CELSR3: variants seen among roughly 807,000 people sequenced by gnomAD.
The protein encoded by CELSR3 is cadherin EGF LAG seven-pass G-type receptor 3.
CELSR3 carries 73 observed loss-of-function variants against 270.0 expected under a neutral mutation model. That is an observed-to-expected ratio of 0.27 (90% CI 0.22 to 0.33). CELSR3 has a LOEUF of 0.33. Ranked by LOEUF, CELSR3 falls within the 10% of genes least tolerant of loss-of-function variation. The pLI, the probability that CELSR3 is intolerant of heterozygous loss-of-function variation, is 1.00. For missense variants in CELSR3, 3,614 were observed against 4,533.8 expected (o/e 0.80, Z 5.83); for synonymous variants, 1,780 against 1,905.4 (o/e 0.93, Z 1.71).
At position 48,653,697 on chromosome 3, in the gene CELSR3, C is replaced by A. The variant is rs745411775; in HGVS notation, c.5370G>T (p.Gly1790=). The A allele has an allele frequency of 1.9e-6, 3 of 1,614,190 alleles. No individual in the cohort carries two copies. The highest frequency in any genetic ancestry group is 2.5e-6 in the Non-Finnish European group (3 of 1,180,038). The change falls in exon 9 of 35, where the codon GGG becomes GGT. Residue 1790 remains glycine (G), a synonymous_variant. Coordinates refer to ENST00000164024, the MANE Select transcript of CELSR3 (RefSeq NM_001407.3). This position sits in a 1 kb window ranked among gnomAD's most constrained non-coding sequence, Gnocchi z 6.5. ...DMAVSVPWYL[G]LAFRTRATQG... is the part of the protein sequence containing the mutation. Reference sequence around the variant, plus strand: ...GCGTTGCCCGTGTCCGAAATGCCAGCCCCAGGTACCATGGCACAGACACAG... The same window carrying A: ...GCGTTGCCCGTGTCCGAAATGCCAGACCCAGGTACCATGGCACAGACACAG...
In CELSR3 at chr3:48,641,496, G is replaced by A; in HGVS notation, c.8853C>T (p.Tyr2951=). ...CCTCGCACTCCCCCAGGGCTGGCCA[G>A]TAGGACAGGAGGTCATTGCCATCCA... The part of the protein sequence containing the change: ...KDVDGNDLLS[Y]WPALGECEAA... Residue 2951 remains tyrosine (Y), a synonymous_variant, in exon 33 of 35, where the codon TAC becomes TAT. Coordinates refer to ENST00000164024, the MANE Select transcript of CELSR3 (RefSeq NM_001407.3). This position sits in a 1 kb window ranked among gnomAD's most constrained non-coding sequence, Gnocchi z 4.8. 2.5e-6 allele frequency: 4 copies of A among 1,612,332 alleles called. No homozygotes were observed. In the South Asian group the frequency reaches 3.3e-5, roughly 13 times the overall value.
At position 48,653,563 on chromosome 3, in the gene CELSR3, G is replaced by A. The variant is rs140656730; in HGVS notation, c.5448+56C>T. 124 of 1,576,808 alleles carry A rather than the reference G, an allele frequency of 7.9e-5. 1 individual carries two copies. The East Asian group carries it at 2.4e-3, about 31-fold the overall frequency. On this transcript the variant is annotated intron_variant, in intron 9 of 34. Transcript: ENST00000164024. This position sits in a 1 kb window ranked among gnomAD's most constrained non-coding sequence, Gnocchi z 6.5. ...CCAACCTGAACCCACAAGAATGTCA[G>A]TGGCGGCCTAAGAGACTGAGAACTG...
Position 48,653,890 on chromosome 3 carries a change from C to T in CELSR3, c.5266G>A (p.Asp1756Asn), listed in dbSNP as rs758016342. 2 of 1,613,758 alleles carry T rather than the reference C, an allele frequency of 1.2e-6. No homozygotes were observed. Among genetic ancestry groups the T allele is most frequent in the Non-Finnish European group, 8.5e-7 (1 of 1,179,848 alleles). ...CDCPVGFGGK[D>N]CQLTMAHPHH... is the part of the protein sequence containing the mutation. ...GCTGCCCACTTACTAAGCTGACAGT[C>T]TTTGCCGCCGAAGCCCACAGGGCAG... Residue 1756 changes from aspartate (D) to asparagine (N), a missense_variant, in exon 8 of 35, where the codon GAC becomes AAC. Asp to Asn is a conservative substitution (Grantham distance 23). This residue lies in a region of CELSR3 where 1,331 missense variants were observed against 1,933.7 expected (regional missense o/e 0.69). Coordinates refer to ENST00000164024, the MANE Select transcript of CELSR3 (RefSeq NM_001407.3). This position sits in a 1 kb window ranked among gnomAD's most constrained non-coding sequence, Gnocchi z 6.5.
rs1481269587 is a variant in CELSR3 at position 48,646,533 on chromosome 3, T to A, written c.7295+230A>T. 2.0e-5 allele frequency among the ~76,000 whole-genome samples: 3 copies of A among 152,254 alleles called. No individual in the cohort carries two copies. The East Asian group carries it at 5.8e-4, about 29-fold the overall frequency. The stretch of plus-strand genomic sequence containing the variant: ...GTCTCTGTCAGCCCTTTGGTCTGTC[T>A]GTACCTGGCTCATGGATCCCTCCTG... On this transcript the variant is annotated intron_variant, in intron 21 of 34. Transcript: ENST00000164024. The surrounding 1 kb of genome is among the most constrained non-coding windows in gnomAD (Gnocchi z 4.8).
Position 48,646,851 on chromosome 3 carries a change from G to A in CELSR3, c.7207C>T (p.Pro2403Ser). ...AGGAGAATGATAATGGAGATCCCAG[G>A]CTCTGGCTCTGGCGGGGCTGGTGGG... The part of the protein sequence containing the change: ...VPPPAPPEPE[P>S]GISIIILLVY... Residue 2403 changes from proline (P) to serine (S), a missense_variant, in exon 21 of 35, where the codon CCT becomes TCT. Pro to Ser is a moderately conservative substitution (Grantham distance 74, BLOSUM62 -1). Around this residue, in one of 7 missense-constraint regions of CELSR3, gnomAD observed 1,240 missense variants for 1,351.7 expected, o/e 0.92. Coordinates refer to ENST00000164024, the MANE Select transcript of CELSR3 (RefSeq NM_001407.3). This position sits in a 1 kb window ranked among gnomAD's most constrained non-coding sequence, Gnocchi z 4.8. 2 of 1,597,950 alleles carry A rather than the reference G, an allele frequency of 1.3e-6. No individual in the cohort carries two copies. The highest frequency in any genetic ancestry group is 1.7e-6 in the Non-Finnish European group (2 of 1,174,460).
Position 48,641,065 on chromosome 3 carries a change from GA to G in CELSR3, c.9025+258del. On this transcript the variant is annotated intron_variant, in intron 33 of 34. Transcript: ENST00000164024. This position sits in a 1 kb window ranked among gnomAD's most constrained non-coding sequence, Gnocchi z 4.8. ...GGGGGAAGCAGCTCCTAGGGTCTCTGAAAAACAGATGGGCTGGGGCAGGAGT... is the reference window on the plus strand; with the variant it reads ...GGGGGAAGCAGCTCCTAGGGTCTCTGAAAACAGATGGGCTGGGGCAGGAGT... The G allele has an allele frequency of 3.9e-6, 2 of 515,854 alleles. No individual in the cohort carries two copies. The highest frequency in any genetic ancestry group is 6.9e-6 in the Non-Finnish European group (2 of 291,090). 32.0% of individuals were successfully genotyped at this position (515,854 alleles called of 1,614,324 possible).
chr3:48,637,738 T>A lies in CELSR3; in HGVS notation c.*467A>T, dbSNP rs2046985117. 1 of 158,114 alleles carries A rather than the reference T, an allele frequency of 6.3e-6. No individual in the cohort carries two copies. The highest frequency in any genetic ancestry group is 2.4e-5 in the African/African-American group (1 of 41,590). The allele number at this position is 158,114 out of a possible 1,614,324, so 9.8% of individuals were successfully genotyped here. A position where few individuals can be genotyped will look rare whatever the true frequency, so the allele number is the denominator to read the frequency against. On this transcript the variant is annotated 3_prime_UTR_variant, in exon 35 of 35. Transcript: ENST00000164024. The stretch of plus-strand genomic sequence containing the variant: ...AAAAAGCAAAGAACAATTCTGTACT[T>A]TGGGCCCCTGACGATACTCAGATCA...
chr3:48,643,395 A>C, intron 28 of CELSR3, 159 bp downstream of exon 28: 1 of 1,009,882 alleles, frequency 9.9e-7, no homozygotes, highest in Non-Finnish European at 1.4e-6. Context: ...GCCTGGGGGC[A>C]GCAGCTAGGG....
chr3:48,657,326 C>A lies in CELSR3; in HGVS notation c.3771G>T (p.Ala1257=), dbSNP rs1480400860. Residue 1257 remains alanine (A), a synonymous_variant, in exon 2 of 35, where the codon GCG becomes GCT. Coordinates refer to ENST00000164024, the MANE Select transcript of CELSR3 (RefSeq NM_001407.3). This position sits in a 1 kb window ranked among gnomAD's most constrained non-coding sequence, Gnocchi z 5.4. The part of the protein sequence containing the change: ...TVTDGLHSVT[A]QCVLRVVIIT... The stretch of plus-strand genomic sequence containing the variant: ...TGATGACCACGCGCAGCACACACTG[C>A]GCCGTCACGCTGTGCAGGCCATCTG... 1.3e-5 allele frequency: 21 copies of A among 1,603,528 alleles called. No individual in the cohort carries two copies. Among genetic ancestry groups the A allele is most frequent in the Non-Finnish European group, 1.7e-5 (20 of 1,175,224 alleles).
In CELSR3 at chr3:48,641,348, C is replaced by T. The variant is rs1301798426; in HGVS notation, c.9001G>A (p.Gly3001Ser). The change falls in exon 33 of 35, where the codon GGC (glycine) becomes AGC (serine). Residue 3001 changes from glycine (G) to serine (S), a missense_variant. Physicochemically the swap from Gly to Ser is moderately conservative, Grantham distance 56. Coordinates refer to ENST00000164024, the MANE Select transcript of CELSR3 (RefSeq NM_001407.3). This position sits in a 1 kb window ranked among gnomAD's most constrained non-coding sequence, Gnocchi z 4.8. ...CCTTTCCTCTGGCGCTGGGCCCGGC[C>T]CAGAGAAGTCTCATCCCCACTGGTC... Reference protein sequence around the residue: ...ALTSGDETSLGRAQRQRKGIL... With the variant: ...ALTSGDETSLSRAQRQRKGIL... 1.2e-6 allele frequency: 2 copies of T among 1,611,334 alleles called. No homozygotes were observed. Among genetic ancestry groups the T allele is most frequent in the African/African-American group, 1.3e-5 (1 of 74,860 alleles).
Position 48,644,422 on chromosome 3 carries a change from TAC to T in CELSR3, c.8086-129_8086-128del. 1.2e-6 allele frequency: 1 copy of T among 817,584 alleles called. No homozygotes were observed. Among genetic ancestry groups the T allele is most frequent in the South Asian group, 1.6e-5 (1 of 64,314 alleles). The allele number at this position is 817,584 out of a possible 1,614,324, so 50.6% of individuals were successfully genotyped here. Reference sequence around the variant, plus strand: ...AGAACCAGTGAGAAATTCACACATATACACACACACCAAAGGAGCTTAGCATC... The same window carrying T: ...AGAACCAGTGAGAAATTCACACATATACACACACCAAAGGAGCTTAGCATC... On this transcript the variant is annotated intron_variant, in intron 26 of 34. Transcript: ENST00000164024. The surrounding 1 kb of genome is among the most constrained non-coding windows in gnomAD (Gnocchi z 4.8).
rs563248151 is a variant in CELSR3, at chr3:48,640,712, G to A, written c.9026-153C>T. 2.6e-5 allele frequency: 21 copies of A among 803,524 alleles called. No individual in the cohort carries two copies. In the South Asian group the frequency reaches 3.6e-4, roughly 14 times the overall value. The allele number at this position is 803,524 out of a possible 1,614,324, so 49.8% of individuals were successfully genotyped here. On this transcript the variant is annotated intron_variant, in intron 33 of 34. Coordinates refer to ENST00000164024, the MANE Select transcript of CELSR3 (RefSeq NM_001407.3). This position sits in a 1 kb window ranked among gnomAD's most constrained non-coding sequence, Gnocchi z 7.5. The stretch of plus-strand genomic sequence containing the variant: ...GGGGAGCAGCAGAGGCAACCCTGGT[G>A]GTCCCAGAGAGGCAGCAGGACAGGG...
intron 19 of CELSR3, 87 bp downstream of exon 19, chr3:48,648,179 T>C: frequency 1.4e-6 from 2 of 1,472,690 alleles, no homozygotes; most frequent in South Asian, 1.3e-5. Flanking sequence ...AACATTGGCA[T>C]TGATAGCCAC....
In CELSR3 at chr3:48,644,107, C is replaced by G; in HGVS notation, c.8165+109G>C. 1 of 880,594 alleles carries G rather than the reference C, an allele frequency of 1.1e-6. No individual in the cohort carries two copies. The highest frequency in any genetic ancestry group is 1.8e-6 in the Non-Finnish European group (1 of 552,254). 54.5% of individuals were successfully genotyped at this position (880,594 alleles called of 1,614,324 possible). On this transcript the variant is annotated intron_variant, in intron 27 of 34. Coordinates refer to ENST00000164024, the MANE Select transcript of CELSR3 (RefSeq NM_001407.3). The surrounding 1 kb of genome is among the most constrained non-coding windows in gnomAD (Gnocchi z 4.8). ...GGCAGGTGTGACTTCATTCCTTCAT[C>G]TAGAACTTGGAGCCCAACCTGCACC... is the stretch of plus-strand genomic sequence containing the variant.
In CELSR3 at chr3:48,641,465, G is replaced by A; in HGVS notation, c.8884C>T (p.Pro2962Ser). The stretch of plus-strand genomic sequence containing the variant: ...GAGCCCCAAGTCTGCAGAGCACAGG[G>A]GGCTGCCTCGCACTCCCCCAGGGCT... ...WPALGECEAA[P>S]CALQTWGSER... The change falls in exon 33 of 35, where the codon CCC (proline) becomes TCC (serine). Residue 2962 changes from proline to serine, a missense_variant. By Grantham distance (74) the Pro-to-Ser change is moderately conservative. Coordinates refer to ENST00000164024, the MANE Select transcript of CELSR3 (RefSeq NM_001407.3). The surrounding 1 kb of genome is among the most constrained non-coding windows in gnomAD (Gnocchi z 4.8). 1 of 1,612,474 alleles carries A rather than the reference G, an allele frequency of 6.2e-7. No individual in the cohort carries two copies. The highest frequency in any genetic ancestry group is 8.5e-7 in the Non-Finnish European group (1 of 1,179,848).
Position 48,655,935 on chromosome 3 carries a change from G to T in CELSR3, c.4626-84C>A. On this transcript the variant is annotated intron_variant, in intron 3 of 34. Transcript: ENST00000164024. The surrounding 1 kb of genome is among the most constrained non-coding windows in gnomAD (Gnocchi z 5.8). ...ACACCCACCATCCCTGCGAGGAGAA[G>T]GGGCTGGGGCGAGAGAGGAAGCGAC... 8.0e-7 allele frequency: 1 copy of T among 1,249,924 alleles called. No individual in the cohort carries two copies. 77.4% of individuals were successfully genotyped at this position (1,249,924 alleles called of 1,614,324 possible).
Position 48,646,135 on chromosome 3 carries a change from G to A in CELSR3, c.7418C>T (p.Ala2473Val), listed in dbSNP as rs756227231. 5.6e-6 allele frequency: 9 copies of A among 1,612,720 alleles called. No homozygotes were observed. Among genetic ancestry groups the A allele is most frequent in the East Asian group, 2.2e-5 (1 of 44,902 alleles). Residue 2473 changes from alanine (A) to valine (V), a missense_variant, in exon 22 of 35, where the codon GCG (alanine) becomes GTG (valine). Physicochemically the swap from Ala to Val is moderately conservative, Grantham distance 64 (BLOSUM62 0). Around this residue, in one of 7 missense-constraint regions of CELSR3, gnomAD observed 1,240 missense variants for 1,351.7 expected, o/e 0.92. Coordinates refer to ENST00000164024, the MANE Select transcript of CELSR3 (RefSeq NM_001407.3). The surrounding 1 kb of genome is among the most constrained non-coding windows in gnomAD (Gnocchi z 4.8). The stretch of plus-strand genomic sequence containing the variant: ...CACACAGATCGCCTTGCTCCGATTC[G>A]CTGTCTGTAGCAGGCGAAACTCTAG... ...ISLEFRLLQT[A>V]NRSKAICVQW...
chr3:48,662,021 C>G lies in CELSR3; in HGVS notation c.614G>C (p.Cys205Ser). The change falls in exon 1 of 35, where the codon TGT becomes TCT. Residue 205 changes from cysteine (C) to serine (S), a missense_variant. Around this residue, in one of 7 missense-constraint regions of CELSR3, gnomAD observed 470 missense variants for 469.7 expected, o/e 1.00. Coordinates refer to ENST00000164024, the MANE Select transcript of CELSR3 (RefSeq NM_001407.3). This position sits in a 1 kb window ranked among gnomAD's most constrained non-coding sequence, Gnocchi z 7.1. ...GCTCCCTGTTGCCCATAATTCCCCA[C>G]AGCAGCGCGCGGTGCCCACTCTTTT... The part of the protein sequence containing the change: ...SRKRVGTARC[C>S]GELWATGSKG... 1.2e-6 allele frequency: 2 copies of G among 1,614,136 alleles called. No individual in the cohort carries two copies. The highest frequency in any genetic ancestry group is 1.7e-6 in the Non-Finnish European group (2 of 1,180,046).
rs1404894041 is a variant in CELSR3, at chr3:48,642,910, A to G, written c.8407-26T>C. The G allele has an allele frequency of 6.2e-7, 1 of 1,611,840 alleles. No individual in the cohort carries two copies. Among genetic ancestry groups the G allele is most frequent in the Non-Finnish European group, 8.5e-7 (1 of 1,179,110 alleles). On this transcript the variant is annotated intron_variant, in intron 29 of 34. Transcript: ENST00000164024. The surrounding 1 kb of genome is among the most constrained non-coding windows in gnomAD (Gnocchi z 6.1). ...CTGGGGGTGGTAGGGACAGAGTGTGAGCTAACCCTGAAGCAGCCTAAAACT... is the reference window on the plus strand; with the variant it reads ...CTGGGGGTGGTAGGGACAGAGTGTGGGCTAACCCTGAAGCAGCCTAAAACT...
Sources: allele counts gnomAD v4.1 joint callset (sites outside exome capture counted in the v4.1 genomes callset), GRCh38; gene constraint gnomAD v4.1.1; regional missense constraint gnomAD v4.1.1; non-coding constraint Gnocchi (gnomAD v3.1); transcripts MANE v1.5; gene names NCBI Gene and HGNC (gene_info 2026-07-23, HGNC 2026-07-21).